AGBL4: variants seen among roughly 807,000 people sequenced by gnomAD.
AGBL4 encodes the protein cytosolic carboxypeptidase 6.
A neutral mutation model predicts 66.4 loss-of-function variants in AGBL4; 58 were observed. The ratio of observed to expected loss-of-function variants is 0.87; its 90% CI spans 0.71 to 1.09. The LOEUF is 1.09. AGBL4 is among the 50% of genes least tolerant of loss of function. AGBL4 has a pLI of 0.00. For synonymous variants in AGBL4, 234 were observed against 222.9 expected, an observed-to-expected ratio of 1.05 and a Z score of -0.44; for missense variants, 579 against 631.0, an observed-to-expected ratio of 0.92 and a Z score of 0.88.
intron 2 of AGBL4, among the ~76,000 whole-genome samples, chr1:49,743,035 G>A (rs907299542): frequency 1.6e-4 from 24 of 152,132 alleles, no homozygotes; most frequent in African/African-American, 5.8e-4. Flanking sequence ...GACAACAAAA[G>A]ACAAAATTGA....
intron 5 of AGBL4, among the ~76,000 whole-genome samples, chr1:49,002,506 A>C (rs2148992642): frequency 6.6e-6 from 1 of 152,378 alleles, no homozygotes; most frequent in Middle Eastern, 3.4e-3. Context: ...ATAGAAAATT[A>C]AAAGAACAAT....
intron 6 of AGBL4, among the ~76,000 whole-genome samples, chr1:48,803,754 G>A (rs1339737787): frequency 6.6e-6 from 1 of 152,180 alleles, no homozygotes; most frequent in Non-Finnish European, 1.5e-5. Context: ...AGAAACTTGA[G>A]AGTATCCTAT....
chr1:48,625,111 T>G (rs1364148798), intron 9 of AGBL4, among the ~76,000 whole-genome samples: 2 of 58,648 alleles, frequency 3.4e-5, no homozygotes, highest in African/African-American at 8.2e-5. Context: ...CTTCCTTCCT[T>G]CCTTCCTTCC....
chr1:49,825,759 T>C (rs1483632940), intron 2 of AGBL4, among the ~76,000 whole-genome samples: 2 of 152,138 alleles, frequency 1.3e-5, no homozygotes, highest in African/African-American at 4.8e-5. Flanking sequence ...GAACTGGCTC[T>C]TCCCTGGATC....
intron 2 of AGBL4, among the ~76,000 whole-genome samples, chr1:49,739,979 A>G (rs903775732): frequency 4.6e-5 from 7 of 152,200 alleles, no homozygotes; most frequent in Admixed American, 4.6e-4. Flanking sequence ...TGAGGCTAGG[A>G]AGAAACTGCA....
At chr1:48,963,175 G>A in intron 5 of AGBL4, among the ~76,000 whole-genome samples, 1 of 151,454 alleles carries the variant, frequency 6.6e-6, no homozygotes, top group South Asian at 2.1e-4. Flanking sequence ...GAAGGCAGAA[G>A]CAAGACAAAA....
At chr1:49,089,036 G>C (rs1644956093) in intron 4 of AGBL4, among the ~76,000 whole-genome samples, 1 of 151,786 alleles carries the variant, frequency 6.6e-6, no homozygotes, top group Non-Finnish European at 1.5e-5. Context: ...CAGAAATCAA[G>C]AAATTCTTGG....
intron 4 of AGBL4, among the ~76,000 whole-genome samples, chr1:49,193,226 A>G (rs1264902852): frequency 1.4e-5 from 2 of 144,150 alleles, no homozygotes; most frequent in South Asian, 2.2e-4. Flanking sequence ...GATCTTTGTT[A>G]TTTCTTTTTT....
At chr1:49,985,298 C>A (rs899844704) in intron 1 of AGBL4, among the ~76,000 whole-genome samples, 4 of 151,780 alleles carry the variant, frequency 2.6e-5, no homozygotes, top group African/African-American at 4.8e-5. Flanking sequence ...AGAAACGAAT[C>A]CAAGAGGAAG....
intron 4 of AGBL4, among the ~76,000 whole-genome samples, chr1:49,101,595 A>T (rs1645203192): frequency 6.6e-6 from 1 of 152,206 alleles, no homozygotes; most frequent in South Asian, 2.1e-4. Flanking sequence ...CTGGAGTCAG[A>T]GGGATCTGTG....
intron 4 of AGBL4, among the ~76,000 whole-genome samples, chr1:49,184,177 C>T (rs915422854): frequency 3.3e-5 from 5 of 152,184 alleles, no homozygotes; most frequent in Non-Finnish European, 5.9e-5. Context: ...AACCATTTTG[C>T]TCTTGTCACT....
At chr1:48,978,811 C>A (rs1324437017) in intron 5 of AGBL4, among the ~76,000 whole-genome samples, 1 of 152,092 alleles carries the variant, frequency 6.6e-6, no homozygotes, top group Non-Finnish European at 1.5e-5. Flanking sequence ...CAAGGTCACT[C>A]GACAAGGCAA....
chr1:49,313,211 T>A (rs907153538), intron 3 of AGBL4, among the ~76,000 whole-genome samples: 4 of 152,150 alleles, frequency 2.6e-5, no homozygotes, highest in Non-Finnish European at 5.9e-5. Flanking sequence ...AACTCATCCC[T>A]TTTTATGGCT....
intron 1 of AGBL4, among the ~76,000 whole-genome samples, chr1:49,875,290 A>C (rs1383768740): frequency 8.0e-6 from 1 of 125,528 alleles, no homozygotes. Flanking sequence ...ATATCTCCCA[A>C]TGCTATCCCT....
chr1:49,309,278 C>T (rs991776244), intron 3 of AGBL4, among the ~76,000 whole-genome samples: 2 of 151,974 alleles, frequency 1.3e-5, no homozygotes, highest in African/African-American at 4.8e-5. Flanking sequence ...GTACATGTAC[C>T]TCTTAAGGTA....
At chr1:48,961,697 G>A (rs1008024088) in intron 5 of AGBL4, among the ~76,000 whole-genome samples, 1 of 152,214 alleles carries the variant, frequency 6.6e-6, no homozygotes, top group African/African-American at 2.4e-5. Context: ...CAGCCAGTAA[G>A]TGACACAGAG....
rs1184270069 is a variant in AGBL4 at position 49,948,275 on chromosome 1, T to TAAATATATATAAATATATAA, written c.34+75468_34+75487dup. 1.3e-3 allele frequency among the ~76,000 whole-genome samples: 129 copies of TAAATATATATAAATATATAA among 100,900 alleles called. 2 individuals carry two copies. Among genetic ancestry groups the TAAATATATATAAATATATAA allele is most frequent in the African/African-American group, 6.3e-3 (122 of 19,410 alleles). The allele number at this position is 100,900 out of a possible 152,430, so 66.2% of individuals were successfully genotyped here. On this transcript the variant is annotated intron_variant, in intron 1 of 13. Coordinates refer to ENST00000371839, the MANE Select transcript of AGBL4 (RefSeq NM_032785.4). Reference sequence around the variant, plus strand: ...ATATAAATATATAAATAAATACATATAAATATATATAAATATATAAAAATA... The same window carrying TAAATATATATAAATATATAA: ...ATATAAATATATAAATAAATACATATAAATATATATAAATATATAAAAATATATATAAATATATAAAAATA...
chr1:49,872,905 T>A (rs2148115692), intron 1 of AGBL4, among the ~76,000 whole-genome samples: 1 of 152,210 alleles, frequency 6.6e-6, no homozygotes, highest in Admixed American at 6.5e-5. Flanking sequence ...TTTTTATTAT[T>A]TTCTACAATT....
intron 6 of AGBL4, among the ~76,000 whole-genome samples, chr1:48,839,007 T>C (rs1646742028): frequency 1.3e-5 from 2 of 151,838 alleles, no homozygotes; most frequent in East Asian, 1.9e-4. Flanking sequence ...CTGGCTATTA[T>C]CAAAATAAAA....
Sources: allele counts gnomAD v4.1 joint callset (sites outside exome capture counted in the v4.1 genomes callset), GRCh38; gene constraint gnomAD v4.1.1; transcripts MANE v1.5; gene names NCBI Gene and HGNC (gene_info 2026-07-23, HGNC 2026-07-21).